PDE2A: variants seen among roughly 807,000 people sequenced by gnomAD.
PDE2A encodes the protein cGMP-dependent 3',5'-cyclic phosphodiesterase.
PDE2A carries 53 observed loss-of-function variants against 133.6 expected under a neutral mutation model. The ratio of observed to expected loss-of-function variants is 0.40; its 90% CI spans 0.32 to 0.50. The LOEUF (loss-of-function observed/expected upper bound fraction) is 0.50, where lower values mean the gene tolerates loss of function less well. Among genes scored for constraint, PDE2A ranks in the 20% least tolerant of loss-of-function variants. PDE2A has a pLI of 0.73. For missense variants in PDE2A, 796 were observed against 1,232.4 expected, an observed-to-expected ratio of 0.65 and a Z score of 5.30; for synonymous variants, 491 against 490.2, an observed-to-expected ratio of 1.00 and a Z score of -0.02.
At chr11:72,657,001 C>T (rs1038070356) in intron 1 of PDE2A, among the ~76,000 whole-genome samples, 2 of 152,170 alleles carry the variant, frequency 1.3e-5, no homozygotes, top group African/African-American at 4.8e-5. Flanking sequence ...TTCTCTGCTC[C>T]GCATCTCACA....
At chr11:72,585,952 A>G (rs550107911) in intron 14 of PDE2A, 118 bp downstream of exon 14, 3 of 700,850 alleles carry the variant, frequency 4.3e-6, no homozygotes, top group Non-Finnish European at 7.7e-6. Context: ...TTATGGAGCC[A>G]CCTGGGGAAG....
intron 6 of PDE2A, among the ~76,000 whole-genome samples, chr11:72,596,250 G>T (rs1276809764): frequency 6.6e-6 from 1 of 152,098 alleles, no homozygotes; most frequent in Non-Finnish European, 1.5e-5. Flanking sequence ...GGTTAGTGCT[G>T]CGTACGCCAA....
intron 2 of PDE2A, among the ~76,000 whole-genome samples, chr11:72,612,649 T>C (rs1382571220): frequency 7.6e-6 from 1 of 131,574 alleles, no homozygotes; most frequent in Non-Finnish European, 1.6e-5. Flanking sequence ...GATAGATGAA[T>C]GGGTGCAGGA....
At position 72,583,300 on chromosome 11, in the gene PDE2A, C is replaced by T. The variant is rs1406835122; in HGVS notation, c.1728+138G>A. ...GGTCTCTAAGCAGGGGTGGGAGCTG[C>T]CCCTAAGGAGGGCAGGAGGCCTGCT... On this transcript the variant is annotated intron_variant, in intron 20 of 30. Transcript: ENST00000334456. 18 of 651,758 alleles carry T rather than the reference C, an allele frequency of 2.8e-5. No individual in the cohort carries two copies. The East Asian group carries it at 4.7e-4, about 17-fold the overall frequency. 40.4% of individuals were successfully genotyped at this position (651,758 alleles called of 1,614,324 possible).
chr11:72,652,533 G>C (rs1280240216), intron 1 of PDE2A: 1 of 456,152 alleles, frequency 2.2e-6, no homozygotes, highest in South Asian at 1.5e-5. Flanking sequence ...CCACAGGCCT[G>C]AAGAACCCTC....
At position 72,650,039 on chromosome 11, in the gene PDE2A, T is replaced by TA. The variant is rs1194677341; in HGVS notation, c.72-7714dup. Reference sequence around the variant, plus strand: ...TGAGACTTTTTTTTTTTTTTTTTTTTAGATGGAGTCTTGCTCTGTCGCCCA... The same window carrying TA: ...TGAGACTTTTTTTTTTTTTTTTTTTTAAGATGGAGTCTTGCTCTGTCGCCCA... On this transcript the variant is annotated intron_variant, in intron 1 of 30. Coordinates refer to ENST00000334456, the MANE Select transcript of PDE2A (RefSeq NM_002599.5). Among the ~76,000 whole-genome samples the TA allele has an allele frequency of 1.5e-3, 215 of 143,524 alleles. 1 individual carries two copies. Among genetic ancestry groups the TA allele is most frequent in the South Asian group, 5.9e-3 (26 of 4,442 alleles). The allele number at this position is 143,524 out of a possible 152,430, so 94.2% of individuals were successfully genotyped here.
intron 3 of PDE2A, among the ~76,000 whole-genome samples, chr11:72,608,210 A>C (rs1340959126): frequency 6.6e-6 from 1 of 152,176 alleles, no homozygotes; most frequent in Non-Finnish European, 1.5e-5. Context: ...CAGGCAGGGC[A>C]CTTTAACCCA....
At chr11:72,659,088 C>T (rs1312432967) in intron 1 of PDE2A, among the ~76,000 whole-genome samples, 1 of 151,870 alleles carries the variant, frequency 6.6e-6, no homozygotes, top group Non-Finnish European at 1.5e-5. Context: ...GTGGAGGAGA[C>T]GGCAAAGCTT....
intron 1 of PDE2A, among the ~76,000 whole-genome samples, chr11:72,665,535 C>CT (rs1855209485): frequency 2.6e-5 from 4 of 152,188 alleles, no homozygotes; most frequent in South Asian, 2.1e-4. Context: ...ACACCAGGAG[C>CT]ACTCTGTGGA....
chr11:72,601,901 G>A (rs1037644240), intron 4 of PDE2A, among the ~76,000 whole-genome samples: 1 of 152,162 alleles, frequency 6.6e-6, no homozygotes, highest in African/African-American at 2.4e-5. Flanking sequence ...GGCATATGGA[G>A]GCCCAGGAAG....
At chr11:72,579,249 C>T (rs1447963636) in intron 27 of PDE2A, 35 bp downstream of exon 27, 1 of 1,499,652 alleles carries the variant, frequency 6.7e-7, no homozygotes, top group Non-Finnish European at 9.3e-7. Flanking sequence ...GGTTGTTCCT[C>T]CCCAGCCCCA....
intron 1 of PDE2A, among the ~76,000 whole-genome samples, chr11:72,667,372 C>T (rs1855266357): frequency 6.6e-6 from 1 of 152,138 alleles, no homozygotes; most frequent in Non-Finnish European, 1.5e-5. Flanking sequence ...TTAGCCTGTC[C>T]CAGAACCATG....
At chr11:72,654,357 G>T (rs1270202331) in intron 1 of PDE2A, among the ~76,000 whole-genome samples, 1 of 152,200 alleles carries the variant, frequency 6.6e-6, no homozygotes, top group Admixed American at 6.5e-5. Context: ...AAAGTGATTT[G>T]CCCTAACCTC....
At chr11:72,639,944 G>T (rs969622388) in intron 2 of PDE2A, among the ~76,000 whole-genome samples, 1 of 151,948 alleles carries the variant, frequency 6.6e-6, no homozygotes, top group Non-Finnish European at 1.5e-5. Flanking sequence ...CGCCCCAAAT[G>T]TTACAGACCT....
intron 2 of PDE2A, among the ~76,000 whole-genome samples, chr11:72,626,269 G>A (rs986771396): frequency 2.6e-5 from 4 of 152,372 alleles, no homozygotes; most frequent in Admixed American, 2.0e-4. Flanking sequence ...TGGATGGGCA[G>A]GCAGAGAGAC....
At chr11:72,588,979 C>T (rs1673659755) in intron 12 of PDE2A, 65 bp from the exon 13 acceptor site, 1 of 1,539,918 alleles carries the variant, frequency 6.5e-7, no homozygotes, top group Admixed American at 1.8e-5. Context: ...CTCCAGCCCT[C>T]CATCACATTT....
chr11:72,583,489 C>T lies in PDE2A; in HGVS notation c.1677G>A (p.Glu559=), dbSNP rs138291495. ...AHSLLYKKVN[E]AQYRSHLANE... ...TGGCCAGGTGGCTGCGATACTGAGC[C>T]TCATTCACTTTTTTGTATAGGAGAG... Residue 559 remains glutamate, a synonymous_variant, in exon 20 of 31, where the codon GAG becomes GAA. Transcript: ENST00000334456. 8.4e-5 allele frequency: 135 copies of T among 1,612,404 alleles called. No homozygotes were observed. The African/African-American group carries it at 1.6e-3, about 19-fold the overall frequency.
intron 23 of PDE2A, 73 bp downstream of exon 23, chr11:72,581,284 A>G: frequency 7.5e-6 from 11 of 1,474,878 alleles, no homozygotes; most frequent in Non-Finnish European, 1.0e-5. Flanking sequence ...TGCCTGACAC[A>G]CAGGGGGTGC....
intron 2 of PDE2A, among the ~76,000 whole-genome samples, chr11:72,611,380 C>G (rs1744690116): frequency 6.6e-6 from 1 of 152,136 alleles, no homozygotes; most frequent in African/African-American, 2.4e-5. Context: ...ACCCGATCCC[C>G]AGCTCCCACC....
Sources: allele counts gnomAD v4.1 joint callset (sites outside exome capture counted in the v4.1 genomes callset), GRCh38; gene constraint gnomAD v4.1.1; transcripts MANE v1.5; gene names NCBI Gene and HGNC (gene_info 2026-07-23, HGNC 2026-07-21).